TRIM25: variants seen among roughly 807,000 people sequenced by gnomAD.
TRIM25 encodes E3 ubiquitin/ISG15 ligase TRIM25.
A neutral mutation model predicts 65.2 loss-of-function variants in TRIM25; 45 were observed. The ratio of observed to expected loss-of-function variants is 0.69; its 90% CI spans 0.54 to 0.89. The LOEUF (loss-of-function observed/expected upper bound fraction) is 0.89. Among genes scored for constraint, TRIM25 ranks in the 40% least tolerant of loss-of-function variants. TRIM25 has a pLI of 0.00. For missense variants in TRIM25, 714 were observed against 803.7 expected, an observed-to-expected ratio of 0.89 and a Z score of 1.35; for synonymous variants, 321 against 340.4, an observed-to-expected ratio of 0.94 and a Z score of 0.63.
At chr17:56,902,109 G>A (rs1909424401) in intron 3 of TRIM25, among the ~76,000 whole-genome samples, 1 of 152,226 alleles carries the variant, frequency 6.6e-6, no homozygotes, top group East Asian at 1.9e-4. Context: ...GCCTAGATGT[G>A]CACTCAGATC....
At chr17:56,905,772 A>G (rs995025401) in intron 2 of TRIM25, among the ~76,000 whole-genome samples, 1 of 152,178 alleles carries the variant, frequency 6.6e-6, no homozygotes, top group Non-Finnish European at 1.5e-5. Context: ...AGCCTGGGCA[A>G]CATAGACAGA....
chr17:56,895,469 CA>C (rs1231362246), intron 7 of TRIM25, 28 bp from the exon 8 acceptor site: 1 of 1,613,904 alleles, frequency 6.2e-7, no homozygotes, highest in Non-Finnish European at 8.5e-7. Flanking sequence ...GAGTGATTTG[CA>C]GAACAAACTC....
rs778909442 is a variant in TRIM25, at chr17:56,892,153, A to T, written c.1440T>A (p.Ser480=). Residue 480 remains serine (S), a synonymous_variant, in exon 9 of 9, where the codon TCT becomes TCA. Coordinates refer to ENST00000316881, the MANE Select transcript of TRIM25 (RefSeq NM_005082.5). ...GGTAGTTCTGAGGCATCTCAGCCAC[A>T]GAAGCTACTGTATAGCACTCTGACA... is the stretch of plus-strand genomic sequence containing the variant. ...VALSECYTVA[S]VAEMPQNYRP... 1 of 1,614,200 alleles carries T rather than the reference A, an allele frequency of 6.2e-7. No homozygotes were observed. Among genetic ancestry groups the T allele is most frequent in the East Asian group, 2.2e-5 (1 of 44,890 alleles).
At chr17:56,904,598 T>A (rs1444192490) in intron 2 of TRIM25, 110 bp from the exon 3 acceptor site, 1 of 1,006,974 alleles carries the variant, frequency 9.9e-7, no homozygotes, top group Non-Finnish European at 1.5e-6. Context: ...CTGTACTTTG[T>A]GGGAGAACAA....
chr17:56,913,312 T>C lies in TRIM25; in HGVS notation c.597+80A>G. 1 of 1,353,172 alleles carries C rather than the reference T, an allele frequency of 7.4e-7. No homozygotes were observed. The allele number at this position is 1,353,172 out of a possible 1,614,324, so 83.8% of individuals were successfully genotyped here. ...CCATCTCCCCAGGGCGTCCAGAGTG[T>C]GGCAGAGAGGCCCCCGGTGGCCCCT... is the stretch of plus-strand genomic sequence containing the variant. On this transcript the variant is annotated intron_variant, in intron 1 of 8. Coordinates refer to ENST00000316881, the MANE Select transcript of TRIM25 (RefSeq NM_005082.5). This position sits in a 1 kb window ranked among gnomAD's most constrained non-coding sequence, Gnocchi z 6.1.
chr17:56,901,021 A>C (rs1389412233), intron 4 of TRIM25, among the ~76,000 whole-genome samples: 1 of 152,158 alleles, frequency 6.6e-6, no homozygotes, highest in Non-Finnish European at 1.5e-5. Flanking sequence ...GAAATTTGGC[A>C]ATGGATTGGA....
intron 4 of TRIM25, among the ~76,000 whole-genome samples, chr17:56,900,896 G>A (rs200566573): frequency 6.6e-6 from 1 of 152,192 alleles, no homozygotes; most frequent in Admixed American, 6.5e-5. Context: ...TGGCTGCAGC[G>A]GCAGATGCAG....
intron 5 of TRIM25, among the ~76,000 whole-genome samples, chr17:56,897,064 G>C (rs1909308780): frequency 6.6e-6 from 1 of 152,156 alleles, no homozygotes; most frequent in Non-Finnish European, 1.5e-5. Flanking sequence ...AATGAGTTCT[G>C]TTCGCACCAC....
At position 56,890,663 on chromosome 17, in the gene TRIM25, C is replaced by G. The variant is rs887629667; in HGVS notation, c.*1037G>C. ...TTCAGGGATCCAGCTTAGCTGGAGG[C>G]TTGACTGTGCTAGCCTCGGTGGTAC... On this transcript the variant is annotated 3_prime_UTR_variant, in exon 9 of 9. Transcript: ENST00000316881. 1.8e-5 allele frequency: 8 copies of G among 456,578 alleles called. No homozygotes were observed. Among genetic ancestry groups the G allele is most frequent in the African/African-American group, 1.6e-4 (8 of 50,080 alleles). The allele number at this position is 456,578 out of a possible 1,614,324, so 28.3% of individuals were successfully genotyped here. A position where few individuals can be genotyped will look rare whatever the true frequency, so the allele number is the denominator to read the frequency against.
chr17:56,908,854 T>A (rs1223127890), intron 1 of TRIM25: 1 of 370,260 alleles, frequency 2.7e-6, no homozygotes, highest in Non-Finnish European at 5.1e-6. Context: ...ACAAAATAGA[T>A]ACAACTGTCC....
chr17:56,895,244 G>T, intron 8 of TRIM25, 99 bp downstream of exon 8: 1 of 858,052 alleles, frequency 1.2e-6, no homozygotes, highest in Non-Finnish European at 1.9e-6. Context: ...AAGGGGAGTG[G>T]CTGATATAGC....
intron 1 of TRIM25, among the ~76,000 whole-genome samples, chr17:56,912,394 C>T (rs1037061398): frequency 3.9e-5 from 6 of 152,208 alleles, no homozygotes; most frequent in Admixed American, 2.0e-4. Context: ...CAAAGTCACA[C>T]GGCCAGGACG....
chr17:56,898,698 A>C (rs1047776776), intron 5 of TRIM25, among the ~76,000 whole-genome samples: 6 of 151,390 alleles, frequency 4.0e-5, no homozygotes, highest in Non-Finnish European at 5.9e-5. Flanking sequence ...GGAGGGTAAC[A>C]GTGAGAAACC....
Position 56,914,011 on chromosome 17 carries a change from C to G in TRIM25, c.-23G>C. 1 of 1,470,710 alleles carries G rather than the reference C, an allele frequency of 6.8e-7. No individual in the cohort carries two copies. The highest frequency in any genetic ancestry group is 9.1e-7 in the Non-Finnish European group (1 of 1,104,014). The allele number at this position is 1,470,710 out of a possible 1,614,324, so 91.1% of individuals were successfully genotyped here. ...CATGGCGCTCCCAGGGGTCGGGACACAACTGCTGCACCCGCGCTCCGAGGC... is the reference window on the plus strand; with the variant it reads ...CATGGCGCTCCCAGGGGTCGGGACAGAACTGCTGCACCCGCGCTCCGAGGC... On this transcript the variant is annotated 5_prime_UTR_variant, in exon 1 of 9. Coordinates refer to ENST00000316881, the MANE Select transcript of TRIM25 (RefSeq NM_005082.5).
At chr17:56,894,103 A>G (rs1439773566) in intron 8 of TRIM25, among the ~76,000 whole-genome samples, 1 of 152,228 alleles carries the variant, frequency 6.6e-6, no homozygotes, top group Non-Finnish European at 1.5e-5. Context: ...CCACCAATGT[A>G]GAAAATCTGC....
intron 5 of TRIM25, among the ~76,000 whole-genome samples, chr17:56,897,996 A>G (rs995520362): frequency 2.0e-5 from 3 of 152,184 alleles, no homozygotes; most frequent in African/African-American, 7.2e-5. Context: ...ACAAGCAACA[A>G]CAACAAAGAG....
Position 56,890,564 on chromosome 17 carries a change from G to A in TRIM25, c.*1136C>T, listed in dbSNP as rs1160969153. On this transcript the variant is annotated 3_prime_UTR_variant, in exon 9 of 9. Transcript: ENST00000316881. Reference sequence around the variant, plus strand: ...AGGTTTGCTAAAAGACCCCTTTGGTGGTAGGTTGACACCCCAGCAAGTGGC... The same window carrying A: ...AGGTTTGCTAAAAGACCCCTTTGGTAGTAGGTTGACACCCCAGCAAGTGGC... The A allele has an allele frequency of 4.4e-6, 2 of 455,090 alleles. No homozygotes were observed. Among genetic ancestry groups the A allele is most frequent in the Non-Finnish European group, 8.8e-6 (2 of 226,844 alleles). The allele number at this position is 455,090 out of a possible 1,614,324, so 28.2% of individuals were successfully genotyped here. A position where few individuals can be genotyped will look rare whatever the true frequency, so the allele number is the denominator to read the frequency against.
chr17:56,913,291 C>CT lies in TRIM25; in HGVS notation c.597+100dup, dbSNP rs59740850. The CT allele has an allele frequency of 0.12, 136,452 of 1,137,342 alleles. 9,180 individuals are homozygous for CT. Among genetic ancestry groups the CT allele is most frequent in the Admixed American group, 0.19 (6,843 of 36,434 alleles). The allele number at this position is 1,137,342 out of a possible 1,614,324, so 70.5% of individuals were successfully genotyped here. On this transcript the variant is annotated intron_variant, in intron 1 of 8. Transcript: ENST00000316881. This position sits in a 1 kb window ranked among gnomAD's most constrained non-coding sequence, Gnocchi z 6.1. ...GCCCCGGCCTCGAATTCAGGCCCAT[C>CT]TCCCCAGGGCGTCCAGAGTGTGGCA...
At chr17:56,896,002 G>T in intron 5 of TRIM25, 50 bp from the exon 6 acceptor site, 2 of 1,559,118 alleles carry the variant, frequency 1.3e-6, no homozygotes, top group Middle Eastern at 1.8e-4. Flanking sequence ...ACAACACAAT[G>T]ACATTTTCAA....
Sources: allele counts gnomAD v4.1 joint callset (sites outside exome capture counted in the v4.1 genomes callset), GRCh38; gene constraint gnomAD v4.1.1; non-coding constraint Gnocchi (gnomAD v3.1); transcripts MANE v1.5; gene names NCBI Gene and HGNC (gene_info 2026-07-23, HGNC 2026-07-21).